Variants in CCDC178 observed in about 807,000 individuals in gnomAD.
The protein encoded by CCDC178 is coiled-coil domain containing 178.
CCDC178 carries 126 observed loss-of-function variants against 117.4 expected under a neutral mutation model. That is an observed-to-expected ratio of 1.07 (90% CI 0.93 to 1.24). The LOEUF (loss-of-function observed/expected upper bound fraction) is 1.24, where lower values mean the gene tolerates loss of function less well. Ranked by LOEUF, CCDC178 falls within the 50% of genes most tolerant of loss-of-function variation. The pLI is 0.00. For missense variants in CCDC178, 1,030 were observed against 986.9 expected (o/e 1.04, Z -0.59); for synonymous variants, 283 against 313.4 (o/e 0.90, Z 1.02).
chr18:33,019,913 ATATTATTAT>A (rs35536059), intron 21 of CCDC178, among the ~76,000 whole-genome samples: 75,850 of 137,406 alleles, frequency 0.55, 21,047 homozygotes, highest in South Asian at 0.7. Context: ...CTTAACTGAG[ATATTATTAT>A]TATTATTATT....
intron 2 of CCDC178, among the ~76,000 whole-genome samples, chr18:33,418,127 A>G (rs2063971510): frequency 6.6e-6 from 1 of 152,214 alleles, no homozygotes; most frequent in Non-Finnish European, 1.5e-5. Flanking sequence ...TCAACAGCAC[A>G]TCAAAAAGCT....
rs1296529792 is a variant in CCDC178 at position 33,270,530 on chromosome 18, A to G, written c.1177-3233T>C. Reference sequence around the variant, plus strand: ...ACACTTCACATGTCAAGGATCTTCAATATGATTAACAGACAATTTTTCAGT... The same window carrying G: ...ACACTTCACATGTCAAGGATCTTCAGTATGATTAACAGACAATTTTTCAGT... On this transcript the variant is annotated intron_variant, in intron 12 of 22. Coordinates refer to ENST00000383096, the MANE Select transcript of CCDC178 (RefSeq NM_001105528.4). Among the ~76,000 whole-genome samples, 3 of 151,794 alleles carry G rather than the reference A, an allele frequency of 2.0e-5. No homozygotes were observed. The South Asian group carries it at 6.2e-4, about 31-fold the overall frequency.
rs187879551 is a variant in CCDC178, at chr18:33,302,804, A to G, written c.1023-9492T>C. On this transcript the variant is annotated intron_variant, in intron 11 of 22. Transcript: ENST00000383096. ...CTCACTCATGTATGGAAGCTAAAAA[A>G]CAGTTGATCTCAAAGAAGAAGTAAA... 3.4e-4 allele frequency among the ~76,000 whole-genome samples: 52 copies of G among 152,324 alleles called. No individual in the cohort carries two copies. In the East Asian group the frequency reaches 6.9e-3, roughly 20 times the overall value.
At chr18:33,310,601 G>A (rs2062327326) in intron 11 of CCDC178, among the ~76,000 whole-genome samples, 2 of 152,110 alleles carry the variant, frequency 1.3e-5, no homozygotes, top group African/African-American at 4.8e-5. Context: ...AGGGAGAATT[G>A]CTTGAGCCCA....
chr18:33,397,966 C>T lies in CCDC178; in HGVS notation c.59-758G>A, dbSNP rs867389348. On this transcript the variant is annotated intron_variant, in intron 3 of 22. Coordinates refer to ENST00000383096, the MANE Select transcript of CCDC178 (RefSeq NM_001105528.4). Reference sequence around the variant, plus strand: ...AAACAAGAATGTAAATTATGCTTCACATTAGGAAGATAAACATTGTAAAAG... The same window carrying T: ...AAACAAGAATGTAAATTATGCTTCATATTAGGAAGATAAACATTGTAAAAG... Among the ~76,000 whole-genome samples the T allele has an allele frequency of 7.2e-4, 109 of 151,990 alleles. 1 individual carries two copies. Among genetic ancestry groups the T allele is most frequent in the African/African-American group, 2.3e-3 (97 of 41,418 alleles).
chr18:33,060,625 G>A (rs182644881), intron 21 of CCDC178, among the ~76,000 whole-genome samples: 17 of 151,620 alleles, frequency 1.1e-4, no homozygotes, highest in Admixed American at 3.9e-4. Flanking sequence ...TAACTTTCCC[G>A]CTATTGGTGA....
chr18:32,944,264 T>C (rs1353055420), intron 22 of CCDC178, among the ~76,000 whole-genome samples: 1 of 152,148 alleles, frequency 6.6e-6, no homozygotes, highest in Non-Finnish European at 1.5e-5. Flanking sequence ...AGATGATGTG[T>C]AAGCTGGTCC....
At chr18:33,335,374 CTTT>C (rs1240095900) in intron 9 of CCDC178, among the ~76,000 whole-genome samples, 1 of 151,732 alleles carries the variant, frequency 6.6e-6, no homozygotes, top group African/African-American at 2.4e-5. Flanking sequence ...TTGATAATAT[CTTT>C]TTTTATGTTT....
At chr18:33,112,719 A>G (rs2057801653) in intron 20 of CCDC178, among the ~76,000 whole-genome samples, 2 of 151,980 alleles carry the variant, frequency 1.3e-5, no homozygotes, top group African/African-American at 4.8e-5. Context: ...GAATTGGGGG[A>G]ACAAGATCAG....
rs35283321 is a variant in CCDC178 at position 33,346,320 on chromosome 18, G to T, written c.549C>A (p.Asp183Glu). The T allele has an allele frequency of 6.2e-7, 1 of 1,612,976 alleles. No individual in the cohort carries two copies. Among genetic ancestry groups the T allele is most frequent in the Non-Finnish European group, 8.5e-7 (1 of 1,179,166 alleles). ...LIKSLETDRADAEEALKQQRS... is the reference protein window; with the variant it reads ...LIKSLETDRAEAEEALKQQRS... ...TCTGTTGTTTTAAAGCTTCTTCAGCGTCTGCCCGGTCAGTTTCTAGACTTT... is the reference window on the plus strand; with the variant it reads ...TCTGTTGTTTTAAAGCTTCTTCAGCTTCTGCCCGGTCAGTTTCTAGACTTT... Residue 183 changes from aspartate to glutamate, a missense_variant, in exon 9 of 23, where the codon GAC becomes GAA. Asp to Glu is a conservative substitution (Grantham distance 45). Coordinates refer to ENST00000383096, the MANE Select transcript of CCDC178 (RefSeq NM_001105528.4).
intron 20 of CCDC178, among the ~76,000 whole-genome samples, chr18:33,140,679 T>A (rs978398974): frequency 6.6e-6 from 1 of 152,188 alleles, no homozygotes; most frequent in African/African-American, 2.4e-5. Context: ...TACAGGCTTA[T>A]AGAAGGAAGG....
intron 2 of CCDC178, among the ~76,000 whole-genome samples, chr18:33,438,518 TACACACACACACACACACACGGCAA>T (rs994790460): frequency 6.8e-6 from 1 of 146,444 alleles, no homozygotes; most frequent in South Asian, 2.2e-4. Flanking sequence ...ATATACGGCA[TACACACACACACACACACACGGCAA>T]ACACACACAC....
At chr18:33,373,207 G>A (rs2144767374) in intron 5 of CCDC178, among the ~76,000 whole-genome samples, 1 of 152,172 alleles carries the variant, frequency 6.6e-6, no homozygotes, top group South Asian at 2.1e-4. Context: ...TTAAACTGTT[G>A]GAGACACTTA....
intron 21 of CCDC178, among the ~76,000 whole-genome samples, chr18:32,983,763 CAGAT>C (rs754950180): frequency 3.9e-5 from 6 of 151,976 alleles, no homozygotes; most frequent in Non-Finnish European, 7.4e-5. Flanking sequence ...CAATTTCTGA[CAGAT>C]AGATAAAACT....
At chr18:33,233,514 C>CCA (rs1270071978) in intron 15 of CCDC178, among the ~76,000 whole-genome samples, 1 of 151,768 alleles carries the variant, frequency 6.6e-6, no homozygotes, top group Admixed American at 6.6e-5. Flanking sequence ...TGTTTAGAAC[C>CCA]CACGCATTTA....
intron 20 of CCDC178, among the ~76,000 whole-genome samples, chr18:33,145,043 A>C (rs1442754336): frequency 1.3e-5 from 2 of 152,214 alleles, no homozygotes; most frequent in African/African-American, 4.8e-5. Context: ...CCTAGTGTTC[A>C]AAGAATCTCC....
intron 21 of CCDC178, among the ~76,000 whole-genome samples, chr18:33,047,111 C>T (rs2056658509): frequency 6.6e-6 from 1 of 152,074 alleles, no homozygotes; most frequent in Non-Finnish European, 1.5e-5. Flanking sequence ...ACAACTGTCT[C>T]CTGTGTTTAT....
intron 3 of CCDC178, among the ~76,000 whole-genome samples, chr18:33,403,182 C>T (rs2063733112): frequency 6.6e-6 from 1 of 152,102 alleles, no homozygotes; most frequent in Admixed American, 6.5e-5. Context: ...CTGTCAAGTC[C>T]TTGGATGAGT....
intron 21 of CCDC178, among the ~76,000 whole-genome samples, chr18:33,064,281 A>G (rs1235351218): frequency 2.0e-5 from 3 of 152,224 alleles, no homozygotes; most frequent in Non-Finnish European, 4.4e-5. Context: ...AAGAGAACAT[A>G]AGTAAGCAAT....
Sources: gnomAD v4.1 joint callset for allele counts (sites outside exome capture counted in the v4.1 genomes callset) on GRCh38, gnomAD v4.1.1 for gene constraint, MANE v1.5 for transcripts, NCBI Gene and HGNC (gene_info 2026-07-23, HGNC 2026-07-21) for gene names.